The following ADCY3 variants were observed in gnomAD, a reference collection of about 807,000 sequenced individuals.
The protein encoded by ADCY3 is adenylate cyclase 3, also known as adenylate cyclase type 3.
ADCY3 carries 70 observed loss-of-function variants against 119.4 expected under a neutral mutation model. The observed-to-expected ratio is 0.59, with a 90% CI of 0.48 to 0.72. The LOEUF (loss-of-function observed/expected upper bound fraction) is 0.72, where lower values mean the gene tolerates loss of function less well. Ranked by LOEUF, ADCY3 falls within the 30% of genes least tolerant of loss-of-function variation. The pLI is 0.00. For synonymous variants in ADCY3, 672 were observed against 621.4 expected (o/e 1.08, Z -1.21); for missense variants, 1,238 against 1,541.6 (o/e 0.80, Z 3.30).
At chr2:24,823,444 A>G (rs1378545747) in intron 17 of ADCY3, 89 bp from the exon 18 acceptor site, 1 of 1,425,052 alleles carries the variant, frequency 7.0e-7, no homozygotes, top group African/African-American at 1.5e-5. Context: ...CATGCATGAC[A>G]TGTGCACTCA....
Position 24,824,456 on chromosome 2 carries a change from GC to G in ADCY3, c.2657del (p.Arg886ProfsTer85), listed in dbSNP as rs1668305060. 6.2e-7 allele frequency: 1 copy of G among 1,614,152 alleles called. No homozygotes were observed. ...DQKERVYEMRRWNEALVTNML... is the reference protein window; with the variant it reads ...DQKERVYEMRXWNEALVTNML... Reference sequence around the variant, plus strand: ...TGTTGGTGACCAAGGCCTCGTTCCAGCGTCGCATCTCATAGACACGTTCCTT... The same window carrying G: ...TGTTGGTGACCAAGGCCTCGTTCCAGGTCGCATCTCATAGACACGTTCCTT... On this transcript the variant is annotated frameshift_variant, in exon 17 of 22. Coordinates refer to ENST00000679454, the MANE Select transcript of ADCY3 (RefSeq NM_004036.5). LOFTEE classifies it high-confidence loss of function.
intron 9 of ADCY3, among the ~76,000 whole-genome samples, chr2:24,836,661 A>G (rs1670362116): frequency 1.3e-5 from 2 of 152,216 alleles, no homozygotes; most frequent in African/African-American, 2.4e-5. Context: ...ATTCCGGGCC[A>G]TCAGAGCTAC....
chr2:24,915,195 C>T (rs954115812), intron 2 of ADCY3, among the ~76,000 whole-genome samples: 1 of 152,234 alleles, frequency 6.6e-6, no homozygotes, highest in South Asian at 2.1e-4. Context: ...GTGTCTATTT[C>T]GAACTGGGAA....
chr2:24,877,152 G>A (rs867477010), intron 2 of ADCY3, among the ~76,000 whole-genome samples: 7 of 152,198 alleles, frequency 4.6e-5, no homozygotes, highest in Admixed American at 6.5e-5. Context: ...CACTGTGTGC[G>A]GGAAGGTGGG....
chr2:24,821,538 T>C lies in ADCY3; in HGVS notation c.3106A>G (p.Asn1036Asp). The change falls in exon 20 of 22, where the codon AAT (asparagine) becomes GAT (aspartate). Residue 1036 changes from asparagine (N) to aspartate (D), a missense_variant. By Grantham distance (23) the Asn-to-Asp change is conservative (BLOSUM62 1). Coordinates refer to ENST00000679454, the MANE Select transcript of ADCY3 (RefSeq NM_004036.5). ...TLTNINNQSF[N>D]NFMLRIGMNK... Reference sequence around the variant, plus strand: ...TCACCTATGCGCAGCATGAAGTTATTGAAGGACTGGTTGTTGATGTTGGTG... The same window carrying C: ...TCACCTATGCGCAGCATGAAGTTATCGAAGGACTGGTTGTTGATGTTGGTG... The C allele has an allele frequency of 6.2e-7, 1 of 1,614,158 alleles. No homozygotes were observed. The highest frequency in any genetic ancestry group is 8.5e-7 in the Non-Finnish European group (1 of 1,180,014).
At chr2:24,866,604 G>C (rs1572933221) in intron 3 of ADCY3, among the ~76,000 whole-genome samples, 1 of 113,010 alleles carries the variant, frequency 8.8e-6, no homozygotes, top group African/African-American at 3.3e-5. Context: ...AAAAGGCCAA[G>C]ATGCCAGGTT....
rs910285352 is a variant in ADCY3, at chr2:24,827,441, C to T, written c.2495+105G>A. On this transcript the variant is annotated intron_variant, in intron 15 of 21. Coordinates refer to ENST00000679454, the MANE Select transcript of ADCY3 (RefSeq NM_004036.5). The stretch of plus-strand genomic sequence containing the variant: ...TCTCTAACCTGCACGTATCAGGTCA[C>T]GTGCCTCCCGGGAGGGTGAGATCCC... 2.0e-5 allele frequency: 25 copies of T among 1,268,194 alleles called. No homozygotes were observed. The East Asian group carries it at 2.5e-4, about 13-fold the overall frequency. The allele number at this position is 1,268,194 out of a possible 1,614,324, so 78.6% of individuals were successfully genotyped here. A position where few individuals can be genotyped will look rare whatever the true frequency, so the allele number is the denominator to read the frequency against.
At chr2:24,854,655 C>A (rs1265074325) in intron 3 of ADCY3, among the ~76,000 whole-genome samples, 1 of 152,018 alleles carries the variant, frequency 6.6e-6, no homozygotes. Context: ...CCTGAGACTC[C>A]CAAACCAAAT....
chr2:24,861,032 CTT>C, intron 3 of ADCY3, among the ~76,000 whole-genome samples: 4 of 152,198 alleles, frequency 2.6e-5, no homozygotes. Flanking sequence ...AGGCAGATCA[CTT>C]GAGATCAGGA....
At chr2:24,888,824 T>C (rs1374804666) in intron 2 of ADCY3, among the ~76,000 whole-genome samples, 3 of 152,114 alleles carry the variant, frequency 2.0e-5, no homozygotes, top group Non-Finnish European at 4.4e-5. Context: ...GCCTGACCAA[T>C]ATGGTGAGAC....
chr2:24,872,806 G>T lies in ADCY3; in HGVS notation c.676-87C>A. The stretch of plus-strand genomic sequence containing the variant: ...ATGGAGAAGGGGATGGAGGAGGTGG[G>T]GTGGGTGGTGACCAAAATCAAACCT... On this transcript the variant is annotated intron_variant, in intron 2 of 21. Transcript: ENST00000679454. This position sits in a 1 kb window ranked among gnomAD's most constrained non-coding sequence, Gnocchi z 4.4. The T allele has an allele frequency of 6.6e-7, 1 of 1,507,738 alleles. No individual in the cohort carries two copies. The allele number at this position is 1,507,738 out of a possible 1,614,324, so 93.4% of individuals were successfully genotyped here.
rs1675115941 is a variant in ADCY3, at chr2:24,872,295, A to C, written c.825+275T>G. Among the ~76,000 whole-genome samples, 1 of 152,242 alleles carries C rather than the reference A, an allele frequency of 6.6e-6. No homozygotes were observed. Among genetic ancestry groups the C allele is most frequent in the African/African-American group, 2.4e-5 (1 of 41,472 alleles). ...GCATTTCTTGAAAGGGAAAAGTTTT[A>C]CATTACGAAAACAAAACAAAGAGCA... On this transcript the variant is annotated intron_variant, in intron 3 of 21. Transcript: ENST00000679454. The surrounding 1 kb of genome is among the most constrained non-coding windows in gnomAD (Gnocchi z 4.4).
intron 8 of ADCY3, 62 bp downstream of exon 8, chr2:24,838,383 T>G: frequency 7.7e-7 from 1 of 1,303,504 alleles, no homozygotes; most frequent in East Asian, 4.0e-5. Context: ...ATCTCCTCCT[T>G]TCCAACCCCC....
chr2:24,827,233 C>T (rs1668751703), intron 15 of ADCY3, among the ~76,000 whole-genome samples: 1 of 152,208 alleles, frequency 6.6e-6, no homozygotes, highest in Non-Finnish European at 1.5e-5. Context: ...CTGTGACCCA[C>T]AGAGAATTAC....
At chr2:24,900,769 G>A (rs370769871) in intron 2 of ADCY3, among the ~76,000 whole-genome samples, 11 of 152,306 alleles carry the variant, frequency 7.2e-5, no homozygotes, top group East Asian at 5.8e-4. Context: ...ATTACTTCCT[G>A]TGGACAAATT....
rs999401855 is a variant in ADCY3 at position 24,918,233 on chromosome 2, C to G, written c.675+80G>C. On this transcript the variant is annotated intron_variant, in intron 2 of 21. Transcript: ENST00000679454. This position sits in a 1 kb window ranked among gnomAD's most constrained non-coding sequence, Gnocchi z 5.4. Reference sequence around the variant, plus strand: ...GACACATTTTGACTCAAAGGCAAAGCAAACAGCAACTCCAACAGGTCCCAA... The same window carrying G: ...GACACATTTTGACTCAAAGGCAAAGGAAACAGCAACTCCAACAGGTCCCAA... 18 of 1,473,956 alleles carry G rather than the reference C, an allele frequency of 1.2e-5. No individual in the cohort carries two copies. In the Admixed American group the frequency reaches 1.8e-4, roughly 15 times the overall value. 91.3% of individuals were successfully genotyped at this position (1,473,956 alleles called of 1,614,324 possible). A position where few individuals can be genotyped will look rare whatever the true frequency, so the allele number is the denominator to read the frequency against.
intron 2 of ADCY3, among the ~76,000 whole-genome samples, chr2:24,913,755 T>C (rs1028002753): frequency 2.0e-5 from 3 of 152,206 alleles, no homozygotes; most frequent in African/African-American, 7.2e-5. Flanking sequence ...GGGTGAATGA[T>C]TGCTGTGTAA....
At chr2:24,863,416 C>G (rs376960997) in intron 3 of ADCY3, among the ~76,000 whole-genome samples, 11 of 152,368 alleles carry the variant, frequency 7.2e-5, no homozygotes, top group African/African-American at 2.6e-4. Context: ...GGAACTCGGA[C>G]AGGCTCTCCT....
rs139709285 is a variant in ADCY3 at position 24,852,646 on chromosome 2, G to A, written c.826-10262C>T. Among the ~76,000 whole-genome samples the A allele has an allele frequency of 3.4e-3, 523 of 152,362 alleles. 3 individuals are homozygous for A. The highest frequency in any genetic ancestry group is 0.012 in the African/African-American group (483 of 41,590). ...AGAGGCCTGATGCCAGGACAGCCCC[G>A]GACCTCGACAGAGGCCTGCTGCTCC... On this transcript the variant is annotated intron_variant, in intron 3 of 21. Transcript: ENST00000679454.
Sources: gnomAD v4.1 joint callset for allele counts (sites outside exome capture counted in the v4.1 genomes callset) on GRCh38, gnomAD v4.1.1 for gene constraint, Gnocchi (gnomAD v3.1) non-coding constraint, MANE v1.5 for transcripts, NCBI Gene and HGNC (gene_info 2026-07-23, HGNC 2026-07-21) for gene names.